Variants in KIAA1549 observed in about 807,000 individuals in gnomAD.
KIAA1549 encodes the protein UPF0606 protein KIAA1549.
KIAA1549 carries 70 observed loss-of-function variants against 156.4 expected under a neutral mutation model. The observed-to-expected ratio is 0.45, with a 90% confidence interval of 0.37 to 0.55. The LOEUF is 0.55. Among genes scored for constraint, KIAA1549 ranks in the 20% least tolerant of loss-of-function variants. The pLI, the probability that KIAA1549 is intolerant of heterozygous loss-of-function variation, is 0.00. For synonymous variants in KIAA1549, 1,103 were observed against 1,066.4 expected, an observed-to-expected ratio of 1.03 and a Z score of -0.67; for missense variants, 2,428 against 2,540.9, an observed-to-expected ratio of 0.96 and a Z score of 0.96.
At chr7:138,859,132 G>A (rs1316643751) in intron 16 of KIAA1549, among the ~76,000 whole-genome samples, 1 of 152,058 alleles carries the variant, frequency 6.6e-6, no homozygotes, top group East Asian at 1.9e-4. Flanking sequence ...GCAGTGTTCA[G>A]TTTCAGGTGG....
At chr7:138,887,026 CAACTA>C (rs1811411082) in intron 10 of KIAA1549, among the ~76,000 whole-genome samples, 1 of 152,112 alleles carries the variant, frequency 6.6e-6, no homozygotes. Context: ...CTCAGCCTCC[CAACTA>C]GCTGGGACTA....
chr7:138,975,044 A>G (rs1378732718), intron 1 of KIAA1549, among the ~76,000 whole-genome samples: 1 of 152,108 alleles, frequency 6.6e-6, no homozygotes, highest in Admixed American at 6.6e-5. Context: ...ATCTTGTCAA[A>G]TGCAGATTCT....
chr7:138,840,148 C>T lies in KIAA1549; in HGVS notation c.5583G>A (p.Ala1861=), dbSNP rs762944250. 2.0e-5 allele frequency: 31 copies of T among 1,552,180 alleles called. No individual in the cohort carries two copies. Among genetic ancestry groups the T allele is most frequent in the African/African-American group, 6.8e-5 (5 of 73,046 alleles). The change falls in exon 19 of 20, where the codon GCG becomes GCA. Residue 1861 remains alanine, a synonymous_variant. Coordinates refer to ENST00000422774, the MANE Select transcript of KIAA1549 (RefSeq NM_001164665.2). ...PGWPSYGEDE[A]GRREATHMLG... Reference sequence around the variant, plus strand: ...AGATACTCACGGCCTCTCTTCGCCCCGCTTCGTCCTCCCCGTACGAAGGCC... The same window carrying T: ...AGATACTCACGGCCTCTCTTCGCCCTGCTTCGTCCTCCCCGTACGAAGGCC...
chr7:138,831,809 T>TG lies in KIAA1549; in HGVS notation c.*6096_*6097insC, dbSNP rs1809540194. On this transcript the variant is annotated 3_prime_UTR_variant, in exon 20 of 20. Coordinates refer to ENST00000422774, the MANE Select transcript of KIAA1549 (RefSeq NM_001164665.2). ...CAGCTCTGCCGAGCAACCTTTCCTA[T>TG]TAACGCTAGCCAGACTCCCTGCGTC... is the stretch of plus-strand genomic sequence containing the variant. The TG allele has an allele frequency of 4.3e-6, 1 of 232,402 alleles. No individual in the cohort carries two copies. The highest frequency in any genetic ancestry group is 2.2e-5 in the African/African-American group (1 of 45,298). The allele number at this position is 232,402 out of a possible 1,614,324, so 14.4% of individuals were successfully genotyped here.
At position 138,832,722 on chromosome 7, in the gene KIAA1549, A is replaced by T. The variant is rs1445035827; in HGVS notation, c.*5184T>A. 4.6e-6 allele frequency: 1 copy of T among 218,958 alleles called. No individual in the cohort carries two copies. The highest frequency in any genetic ancestry group is 2.2e-5 in the African/African-American group (1 of 44,564). 13.6% of individuals were successfully genotyped at this position (218,958 alleles called of 1,614,324 possible). A position where few individuals can be genotyped will look rare whatever the true frequency, so the allele number is the denominator to read the frequency against. ...CTAAATTTCAATGCTGCTGTGTTTT[A>T]AGATAAATTATCAAGCCTACTGTCA... On this transcript the variant is annotated 3_prime_UTR_variant, in exon 20 of 20. Coordinates refer to ENST00000422774, the MANE Select transcript of KIAA1549 (RefSeq NM_001164665.2).
In KIAA1549 at chr7:138,918,264, G is replaced by C. The variant is rs367943588; in HGVS notation, c.1362C>G (p.Thr454=). ...GAGAGATGCTGCTTTCTTCCAGCACGGTCATGCACAGAGTCTCGGCACCAT... is the reference window on the plus strand; with the variant it reads ...GAGAGATGCTGCTTTCTTCCAGCACCGTCATGCACAGAGTCTCGGCACCAT... ...SGDGAETLCM[T]VLEESSISLM... Residue 454 remains threonine, a synonymous_variant, in exon 2 of 20, where the codon ACC becomes ACG. Coordinates refer to ENST00000422774, the MANE Select transcript of KIAA1549 (RefSeq NM_001164665.2). This position sits in a 1 kb window ranked among gnomAD's most constrained non-coding sequence, Gnocchi z 4.2. The C allele has an allele frequency of 1.2e-6, 2 of 1,613,988 alleles. No individual in the cohort carries two copies. Among genetic ancestry groups the C allele is most frequent in the South Asian group, 2.2e-5 (2 of 91,074 alleles).
At chr7:138,852,777 T>C (rs1330311346) in intron 16 of KIAA1549, among the ~76,000 whole-genome samples, 2 of 152,194 alleles carry the variant, frequency 1.3e-5, no homozygotes, top group Non-Finnish European at 2.9e-5. Context: ...TGCAGAATGC[T>C]GCAAAAAAAG....
chr7:138,883,898 A>C (rs1426737895), intron 10 of KIAA1549, among the ~76,000 whole-genome samples: 1 of 152,098 alleles, frequency 6.6e-6, no homozygotes, highest in Non-Finnish European at 1.5e-5. Context: ...AAATACGTGG[A>C]GTCTCCTGAG....
intron 1 of KIAA1549, among the ~76,000 whole-genome samples, chr7:138,961,823 C>G (rs1164254906): frequency 3.3e-5 from 4 of 122,114 alleles, no homozygotes; most frequent in Non-Finnish European, 4.8e-5. Flanking sequence ...GCCTAGGTGA[C>G]AGATAGAGGC....
At position 138,918,038 on chromosome 7, in the gene KIAA1549, C is replaced by A. The variant is rs1305418968; in HGVS notation, c.1588G>T (p.Val530Leu). Residue 530 changes from valine to leucine, a missense_variant, in exon 2 of 20, where the codon GTG (valine) becomes TTG (leucine). Physicochemically the swap from Val to Leu is conservative, Grantham distance 32 (BLOSUM62 1). Around this residue, in one of 5 missense-constraint regions of KIAA1549, gnomAD observed 893 missense variants for 847.9 expected, o/e 1.05. Coordinates refer to ENST00000422774, the MANE Select transcript of KIAA1549 (RefSeq NM_001164665.2). This position sits in a 1 kb window ranked among gnomAD's most constrained non-coding sequence, Gnocchi z 4.2. Reference protein sequence around the residue: ...QVPPAHGRLSVPASLDPTAGS... With the variant: ...QVPPAHGRLSLPASLDPTAGS... ...GCAGTAGGATCAAGTGACGCCGGCA[C>A]AGAGAGGCGGCCGTGGGCAGGGGGA... 3.1e-6 allele frequency: 5 copies of A among 1,610,972 alleles called. No individual in the cohort carries two copies. The highest frequency in any genetic ancestry group is 4.2e-6 in the Non-Finnish European group (5 of 1,178,582).
chr7:138,872,360 G>GAAGA (rs1810962902), intron 12 of KIAA1549, among the ~76,000 whole-genome samples: 1 of 104,110 alleles, frequency 9.6e-6, no homozygotes, highest in Non-Finnish European at 2.1e-5. Context: ...TCAGAACTGT[G>GAAGA]AAAAAAAAAA....
intron 1 of KIAA1549, among the ~76,000 whole-genome samples, chr7:138,975,292 T>C (rs1215053471): frequency 1.3e-5 from 2 of 152,212 alleles, no homozygotes; most frequent in South Asian, 2.1e-4. Flanking sequence ...AGTGTGTGGA[T>C]GCAAGAGGGA....
At chr7:138,929,110 A>G (rs1353372910) in intron 1 of KIAA1549, among the ~76,000 whole-genome samples, 1 of 152,164 alleles carries the variant, frequency 6.6e-6, no homozygotes, top group African/African-American at 2.4e-5. Context: ...TGCCTCATCA[A>G]TTGATGCTTC....
chr7:138,970,237 G>A lies in KIAA1549; in HGVS notation c.187+10846C>T, dbSNP rs143367978. Among the ~76,000 whole-genome samples, 128 of 152,074 alleles carry A rather than the reference G, an allele frequency of 8.4e-4. 2 individuals carry two copies. Among genetic ancestry groups the A allele is most frequent in the African/African-American group, 1.8e-3 (76 of 41,474 alleles). On this transcript the variant is annotated intron_variant, in intron 1 of 19. Coordinates refer to ENST00000422774, the MANE Select transcript of KIAA1549 (RefSeq NM_001164665.2). ...TTGCTTCTGCCTCCATCTCAGCTTC[G>A]ACACCCTTTTGCTTCAACTATCTCC...
rs138389824 is a variant in KIAA1549 at position 138,922,092 on chromosome 7, C to A, written c.188-2654G>T. On this transcript the variant is annotated intron_variant, in intron 1 of 19. Coordinates refer to ENST00000422774, the MANE Select transcript of KIAA1549 (RefSeq NM_001164665.2). Reference sequence around the variant, plus strand: ...GAACTTGGACTTCTAGCCTCCAGAACGGTGAGACAATCAATTTCTGCTGTT... The same window carrying A: ...GAACTTGGACTTCTAGCCTCCAGAAAGGTGAGACAATCAATTTCTGCTGTT... 4.3e-3 allele frequency among the ~76,000 whole-genome samples: 658 copies of A among 152,280 alleles called. 6 individuals carry two copies. The highest frequency in any genetic ancestry group is 0.015 in the African/African-American group (619 of 41,560).
intron 17 of KIAA1549, among the ~76,000 whole-genome samples, chr7:138,850,817 G>C (rs1265892439): frequency 1.3e-5 from 2 of 152,028 alleles, no homozygotes; most frequent in African/African-American, 4.8e-5. Flanking sequence ...TGTCTTCCAA[G>C]GTTTTTATAG....
intron 1 of KIAA1549, among the ~76,000 whole-genome samples, chr7:138,963,724 C>T (rs780504290): frequency 1.1e-4 from 17 of 152,188 alleles, no homozygotes; most frequent in Admixed American, 2.6e-4. Flanking sequence ...CTTCCTCCCA[C>T]CAAAATTCCA....
intron 17 of KIAA1549, among the ~76,000 whole-genome samples, chr7:138,845,621 A>AACAT (rs1321010233): frequency 6.6e-6 from 1 of 152,162 alleles, no homozygotes; most frequent in Admixed American, 6.5e-5. Context: ...TGTCATTTGG[A>AACAT]ACATAGTTCA....
At chr7:138,899,899 A>G (rs1244151018) in intron 8 of KIAA1549, among the ~76,000 whole-genome samples, 2 of 152,198 alleles carry the variant, frequency 1.3e-5, no homozygotes, top group African/African-American at 4.8e-5. Context: ...TTCAAAATCT[A>G]GCACACTTGA....
Sources: allele counts gnomAD v4.1 joint callset (sites outside exome capture counted in the v4.1 genomes callset), GRCh38; gene constraint gnomAD v4.1.1; regional missense constraint gnomAD v4.1.1; non-coding constraint Gnocchi (gnomAD v3.1); transcripts MANE v1.5; gene names NCBI Gene and HGNC (gene_info 2026-07-23, HGNC 2026-07-21).